Variants in SHISAL2A observed in about 807,000 individuals in gnomAD.
SHISAL2A encodes the protein shisa like 2A.
SHISAL2A carries 18 observed loss-of-function variants against 11.5 expected under a neutral mutation model. That is an observed-to-expected ratio of 1.57 (90% confidence interval 1.08 to 2.33). The LOEUF (loss-of-function observed/expected upper bound fraction) is 2.33. Among genes scored for constraint, SHISAL2A ranks in the 30% most tolerant of loss-of-function variants. The pLI is 0.00. For missense variants in SHISAL2A, 261 were observed against 250.9 expected (o/e 1.04, Z -0.27); for synonymous variants, 94 against 99.6 (o/e 0.94, Z 0.34).
At position 52,635,202 on chromosome 1, in the gene SHISAL2A, A is replaced by G. The variant is rs146213384; in HGVS notation, c.182+1527A>G. On this transcript the variant is annotated intron_variant, in intron 1 of 2. Coordinates refer to ENST00000517870, the MANE Select transcript of SHISAL2A (RefSeq NM_001042693.3). ...AACTCACAGTTTATTTAGAGATACAATGGTATTCACTTGACAAGTTCATTT... is the reference window on the plus strand; with the variant it reads ...AACTCACAGTTTATTTAGAGATACAGTGGTATTCACTTGACAAGTTCATTT... Among the ~76,000 whole-genome samples the G allele has an allele frequency of 5.3e-5, 8 of 152,332 alleles. No homozygotes were observed. The East Asian group carries it at 1.5e-3, about 29-fold the overall frequency.
chr1:52,642,888 G>T lies in SHISAL2A; in HGVS notation c.208G>T (p.Val70Leu), dbSNP rs557241775. ...CATTGGCGCTCTCATAGGCCTGTCC[G>T]TAGCAGCAGTGGTTCTTCTCGCCTT... The part of the protein sequence containing the change: ...LSIGALIGLS[V>L]AAVVLLAFIV... Residue 70 changes from valine to leucine, a missense_variant, in exon 2 of 3, where the codon GTA (valine) becomes TTA (leucine). Coordinates refer to ENST00000517870, the MANE Select transcript of SHISAL2A (RefSeq NM_001042693.3). 6.2e-7 allele frequency: 1 copy of T among 1,613,592 alleles called. No homozygotes were observed. The highest frequency in any genetic ancestry group is 1.3e-5 in the African/African-American group (1 of 74,998).
intron 5 of SHISAL2A, among the ~76,000 whole-genome samples, chr1:52,668,081 G>C (rs1181772775): frequency 6.6e-6 from 1 of 152,164 alleles, no homozygotes; most frequent in Non-Finnish European, 1.5e-5. Flanking sequence ...CAGGGTGGCT[G>C]GGAGGTAGCA....
rs756846089 is a variant in SHISAL2A at position 52,656,846 on chromosome 1, G to A, written c.379G>A (p.Val127Met). The A allele has an allele frequency of 1.9e-6, 3 of 1,614,094 alleles. No homozygotes were observed. Among genetic ancestry groups the A allele is most frequent in the South Asian group, 1.1e-5 (1 of 91,070 alleles). ...TGTGAACACAGGCATGGCGGCAGAA[G>A]TGCCAAAAGTGAGCCCTCTCCAGCA... is the stretch of plus-strand genomic sequence containing the variant. The part of the protein sequence containing the change: ...QGVNTGMAAE[V>M]PKVSPLQQSY... Residue 127 changes from valine (V) to methionine (M), a missense_variant, in exon 3 of 3, where the codon GTG becomes ATG. Transcript: ENST00000517870.
intron 2 of SHISAL2A, among the ~76,000 whole-genome samples, chr1:52,644,339 T>G (rs1191457086): frequency 6.6e-6 from 1 of 151,894 alleles, no homozygotes. Context: ...CCGGACTGAG[T>G]GAGCCCTCTG....
In SHISAL2A at chr1:52,653,109, C is replaced by T. The variant is rs1162166776; in HGVS notation, c.323-3681C>T. Among the ~76,000 whole-genome samples the T allele has an allele frequency of 2.0e-5, 3 of 148,990 alleles. No individual in the cohort carries two copies. In the East Asian group the frequency reaches 5.9e-4, roughly 29 times the overall value. ...ACCCAAACTAAAAACACAATAATACCATTTACAGTTACTCTAAAATAAATG... is the reference window on the plus strand; with the variant it reads ...ACCCAAACTAAAAACACAATAATACTATTTACAGTTACTCTAAAATAAATG... On this transcript the variant is annotated intron_variant, in intron 2 of 2. Coordinates refer to ENST00000517870, the MANE Select transcript of SHISAL2A (RefSeq NM_001042693.3).
At position 52,639,467 on chromosome 1, in the gene SHISAL2A, A is replaced by G. The variant is rs190153094; in HGVS notation, c.183-3396A>G. ...TTTATCCATTATCTTAGATATTAAA[A>G]TCTAGGCTGGGCGTGGTAGCTTACG... On this transcript the variant is annotated intron_variant, in intron 1 of 2. Coordinates refer to ENST00000517870, the MANE Select transcript of SHISAL2A (RefSeq NM_001042693.3). Among the ~76,000 whole-genome samples the G allele has an allele frequency of 6.6e-4, 100 of 152,312 alleles. 1 individual carries two copies. Among genetic ancestry groups the G allele is most frequent in the Admixed American group, 4.8e-3 (73 of 15,302 alleles).
intron 2 of SHISAL2A, among the ~76,000 whole-genome samples, chr1:52,645,017 CAAAAAAAA>C (rs752980005): frequency 2.9e-5 from 2 of 69,438 alleles, no homozygotes; most frequent in Non-Finnish European, 6.4e-5. Flanking sequence ...ACTCTGTCTC[CAAAAAAAA>C]AAAAAAAAAG....
At chr1:52,657,107 A>G, downstream of SHISAL2A, 1 of 1,509,930 alleles carries the variant, frequency 6.6e-7, no homozygotes. Flanking sequence ...GGAGTGGGAA[A>G]GGACTTTAGA....
chr1:52,657,574 G>C (rs1358323319), downstream of SHISAL2A, among the ~76,000 whole-genome samples: 1 of 152,166 alleles, frequency 6.6e-6, no homozygotes, highest in Non-Finnish European at 1.5e-5. Context: ...ATGAATAGGG[G>C]CAGGGCGCGG....
Position 52,664,507 on chromosome 1 carries a change from C to T in SHISAL2A, n.696-2892C>T, listed in dbSNP as rs1373112497. On this transcript the variant is annotated intron_variant and non_coding_transcript_variant, in intron 4 of 5. Coordinates refer to the SHISAL2A transcript ENST00000401050. ...AGTAGCTGAGATTACAGGCGTGTGC[C>T]ACCATGCCCGGCTAATTTTTTTGTA... 2.6e-5 allele frequency among the ~76,000 whole-genome samples: 4 copies of T among 151,926 alleles called. No individual in the cohort carries two copies. In the East Asian group the frequency reaches 7.8e-4, roughly 30 times the overall value.
At chr1:52,644,598 C>G (rs1412757821) in intron 2 of SHISAL2A, among the ~76,000 whole-genome samples, 3 of 152,182 alleles carry the variant, frequency 2.0e-5, no homozygotes, top group African/African-American at 4.8e-5. Flanking sequence ...GTGGCAGGCA[C>G]CTGTAATCCC....
intron 1 of SHISAL2A, among the ~76,000 whole-genome samples, chr1:52,641,970 G>A (rs1375183895): frequency 1.3e-5 from 2 of 152,118 alleles, no homozygotes; most frequent in African/African-American, 2.4e-5. Flanking sequence ...TGGGCGTGGT[G>A]GCACATGCCT....
chr1:52,662,933 G>T (rs375629095), intron 4 of SHISAL2A, among the ~76,000 whole-genome samples: 9 of 152,200 alleles, frequency 5.9e-5, no homozygotes, highest in African/African-American at 2.2e-4. Flanking sequence ...ATCACTACTT[G>T]TCCAGCACAG....
Position 52,656,946 on chromosome 1 carries a change from A to G in SHISAL2A, c.479A>G (p.His160Arg), listed in dbSNP as rs751004636. 1 of 1,614,002 alleles carries G rather than the reference A, an allele frequency of 6.2e-7. No homozygotes were observed. Reference protein sequence around the residue: ...QAVNSKRLLHHCFMATVTTSD... With the variant: ...QAVNSKRLLHRCFMATVTTSD... The stretch of plus-strand genomic sequence containing the variant: ...GTGAACTCCAAACGCCTCCTCCATC[A>G]TTGCTTCATGGCCACAGTGACCACC... Residue 160 changes from histidine to arginine, a missense_variant, in exon 3 of 3, where the codon CAT (histidine) becomes CGT (arginine). By Grantham distance (29) the His-to-Arg change is conservative. Transcript: ENST00000517870.
chr1:52,633,570 G>A lies in SHISAL2A; in HGVS notation c.77G>A (p.Gly26Asp), dbSNP rs182623287. The A allele has an allele frequency of 3.1e-4, 497 of 1,611,286 alleles. No individual in the cohort carries two copies. Among genetic ancestry groups the A allele is most frequent in the Admixed American group, 1.1e-3 (65 of 59,890 alleles). The change falls in exon 1 of 3, where the codon GGC becomes GAC. Residue 26 changes from glycine (G) to aspartate (D), a missense_variant. Gly to Asp is a moderately conservative substitution (Grantham distance 94). Transcript: ENST00000517870. The surrounding 1 kb of genome is among the most constrained non-coding windows in gnomAD (Gnocchi z 6.4). ...VRGFSCPRPG[G>D]EAAAVFCCGF... ...GGCTTCAGCTGCCCGCGGCCGGGGG[G>A]CGAGGCGGCCGCTGTCTTCTGCTGC...
chr1:52,642,258 AG>A, intron 1 of SHISAL2A, among the ~76,000 whole-genome samples: 1 of 152,178 alleles, frequency 6.6e-6, no homozygotes, highest in East Asian at 1.9e-4. Flanking sequence ...TGAGGAAAGT[AG>A]GGAGGGAAGG....
intron 1 of SHISAL2A, among the ~76,000 whole-genome samples, chr1:52,642,397 A>G (rs900970229): frequency 2.0e-5 from 3 of 151,456 alleles, no homozygotes; most frequent in Non-Finnish European, 4.4e-5. Flanking sequence ...ACAAAACAAA[A>G]GTCAAAGCTG....
At chr1:52,649,349 A>G (rs1228855729) in intron 2 of SHISAL2A, among the ~76,000 whole-genome samples, 1 of 152,224 alleles carries the variant, frequency 6.6e-6, no homozygotes, top group East Asian at 1.9e-4. Flanking sequence ...ATAGCCAGTG[A>G]GCATGTGTCA....
rs896674813 is a variant in SHISAL2A, at chr1:52,642,922, C to T, written c.242C>T (p.Thr81Ile). 1 of 1,614,058 alleles carries T rather than the reference C, an allele frequency of 6.2e-7. No homozygotes were observed. The highest frequency in any genetic ancestry group is 1.1e-5 in the South Asian group (1 of 91,084). Residue 81 changes from threonine (T) to isoleucine (I), a missense_variant, in exon 2 of 3, where the codon ACC becomes ATC. Transcript: ENST00000517870. ...AAVVLLAFIV[T>I]ACVLCYLFIS... Reference sequence around the variant, plus strand: ...GTGGTTCTTCTCGCCTTCATTGTTACCGCCTGTGTGCTCTGCTACCTGTTC... The same window carrying T: ...GTGGTTCTTCTCGCCTTCATTGTTATCGCCTGTGTGCTCTGCTACCTGTTC...
Sources: allele counts gnomAD v4.1 joint callset (sites outside exome capture counted in the v4.1 genomes callset), GRCh38; gene constraint gnomAD v4.1.1; non-coding constraint Gnocchi (gnomAD v3.1); transcripts MANE v1.5; gene names NCBI Gene and HGNC (gene_info 2026-07-23, HGNC 2026-07-21).